UBXN8: variants seen among roughly 807,000 people sequenced by gnomAD.
UBXN8 encodes UBX domain-containing protein 8.
Under a neutral mutation model 32.1 loss-of-function variants are expected in UBXN8, and 27 were observed. The observed-to-expected ratio is 0.84, with a 90% CI of 0.62 to 1.16. The LOEUF is 1.16. UBXN8 is among the 50% of genes most tolerant of loss of function. The pLI is 0.00. For synonymous variants in UBXN8, 109 were observed against 111.8 expected (o/e 0.98, Z 0.16); for missense variants, 306 against 311.4 (o/e 0.98, Z 0.13).
chr8:30,730,963 C>T (rs1804937635), upstream of UBXN8, among the ~76,000 whole-genome samples: 2 of 152,178 alleles, frequency 1.3e-5, no homozygotes, highest in African/African-American at 2.4e-5. Flanking sequence ...TCAGGCCCGG[C>T]GAAATGCCGA....
chr8:30,761,356 T>C (rs899008945), intron 6 of UBXN8, among the ~76,000 whole-genome samples: 2 of 152,134 alleles, frequency 1.3e-5, no homozygotes, highest in Non-Finnish European at 1.5e-5. Context: ...GTGATTCTCC[T>C]GCCTCAGCCT....
intron 1 of UBXN8, among the ~76,000 whole-genome samples, chr8:30,734,967 T>C (rs1489673258): frequency 6.6e-6 from 1 of 152,032 alleles, no homozygotes; most frequent in African/African-American, 2.4e-5. Context: ...TGGACAAACG[T>C]AGGTGATTTC....
intron 1 of UBXN8, among the ~76,000 whole-genome samples, chr8:30,747,307 G>GGTTT (rs567878886): frequency 1.6e-4 from 13 of 81,718 alleles, no homozygotes; most frequent in Non-Finnish European, 1.3e-4. Flanking sequence ...CCTCAGTGGT[G>GGTTT]TTTTTTTTTT....
At position 30,744,229 on chromosome 8, in the gene UBXN8, G is replaced by A. The variant is rs1805296665; in HGVS notation, c.40G>A (p.Ala14Thr). The A allele has an allele frequency of 2.5e-6, 4 of 1,613,890 alleles. No homozygotes were observed. The highest frequency in any genetic ancestry group is 3.4e-6 in the Non-Finnish European group (4 of 1,179,836). The stretch of plus-strand genomic sequence containing the variant: ...GGTTGTTGGCATTTTCTTCCTCTCT[G>A]CTGTCCCCCTTGTGTGTCTGGAGCT... ...RGVVGIFFLS[A>T]VPLVCLELRR... The change falls in exon 1 of 8, where the codon GCT becomes ACT. Residue 14 changes from alanine (A) to threonine (T), a missense_variant. Coordinates refer to ENST00000265616, the MANE Select transcript of UBXN8 (RefSeq NM_005671.4).
At chr8:30,729,173 G>A (rs150974256), upstream of UBXN8, among the ~76,000 whole-genome samples, 561 of 152,322 alleles carry the variant, frequency 3.7e-3, 5 homozygotes, top group African/African-American at 0.013. Context: ...GCATCCCTGC[G>A]GGGAACTCCC....
rs1226425908 is a variant in UBXN8, at chr8:30,751,501, C to T, written c.194C>T (p.Pro65Leu). The T allele has an allele frequency of 2.5e-6, 4 of 1,603,812 alleles. No individual in the cohort carries two copies. Among genetic ancestry groups the T allele is most frequent in the Admixed American group, 1.7e-5 (1 of 58,040 alleles). Residue 65 changes from proline (P) to leucine (L), a missense_variant, in exon 2 of 8, where the codon CCC (proline) becomes CTC (leucine). Coordinates refer to ENST00000265616, the MANE Select transcript of UBXN8 (RefSeq NM_005671.4). ...TCATGGCTTAACTCATTTAAATCTC[C>T]CCAAGTTTATCTGAAGGGTAAGTTT... ...TTSWLNSFKSPQVYLKEEEEK... is the reference protein window; with the variant it reads ...TTSWLNSFKSLQVYLKEEEEK...
At chr8:30,759,907 A>G (rs1252939082) in intron 5 of UBXN8, among the ~76,000 whole-genome samples, 5 of 151,448 alleles carry the variant, frequency 3.3e-5, no homozygotes, top group Non-Finnish European at 7.4e-5. Context: ...CAGTGAGCCA[A>G]GATCGCGCCA....
intron 4 of UBXN8, among the ~76,000 whole-genome samples, chr8:30,755,212 C>G (rs906565194): frequency 3.3e-5 from 5 of 152,140 alleles, no homozygotes; most frequent in African/African-American, 1.2e-4. Context: ...GCCTCACCCT[C>G]CCAAAGTGCT....
intron 6 of UBXN8, chr8:30,763,069 C>G: frequency 1.9e-6 from 1 of 538,078 alleles, no homozygotes; most frequent in South Asian, 2.3e-5. Flanking sequence ...GTGTCTCAAA[C>G]TCCTGGCCTC....
intron 5 of UBXN8, among the ~76,000 whole-genome samples, chr8:30,758,986 C>G (rs1393145899): frequency 2.0e-5 from 3 of 149,452 alleles, no homozygotes; most frequent in Non-Finnish European, 3.0e-5. Context: ...CTCCTCCTCC[C>G]GGCTTCACGC....
At chr8:30,739,358 C>A (rs959470341), upstream of UBXN8, among the ~76,000 whole-genome samples, 12 of 151,046 alleles carry the variant, frequency 7.9e-5, no homozygotes, top group Middle Eastern at 3.4e-3. Context: ...TCCTGGCTAA[C>A]ACGGTGAAAC....
At chr8:30,749,971 T>C (rs1805476438) in intron 1 of UBXN8, among the ~76,000 whole-genome samples, 1 of 152,146 alleles carries the variant, frequency 6.6e-6, no homozygotes, top group South Asian at 2.1e-4. Context: ...CTACAACTTA[T>C]ACATTACTGA....
upstream of UBXN8, among the ~76,000 whole-genome samples, chr8:30,729,167 C>G (rs1488540297): frequency 6.6e-6 from 1 of 152,228 alleles, no homozygotes; most frequent in Non-Finnish European, 1.5e-5. Flanking sequence ...TGTGGAGCAT[C>G]CCTGCGGGGA....
At chr8:30,732,568 G>A (rs1247747607), upstream of UBXN8, 2 of 286,894 alleles carry the variant, frequency 7.0e-6, no homozygotes, top group Non-Finnish European at 1.3e-5. Context: ...AAGGGGGAGG[G>A]GACCGGGAAC....
intron 5 of UBXN8, among the ~76,000 whole-genome samples, chr8:30,760,458 T>TTTTC (rs1805805505): frequency 7.0e-6 from 1 of 143,600 alleles, no homozygotes; most frequent in African/African-American, 2.5e-5. Context: ...TTTTTTTTTT[T>TTTTC]AAAGTGACAG....
upstream of UBXN8, among the ~76,000 whole-genome samples, chr8:30,742,507 G>A (rs1035008805): frequency 1.3e-5 from 2 of 151,990 alleles, no homozygotes; most frequent in African/African-American, 4.8e-5. Context: ...ACGCCATCAC[G>A]CGCAGCTATT....
Position 30,749,594 on chromosome 8 carries a change from T to C in UBXN8, c.89-1802T>C, listed in dbSNP as rs186671661. On this transcript the variant is annotated intron_variant, in intron 1 of 7. Transcript: ENST00000265616. ...ATCATAGAACTAGAATTTGACACGA[T>C]ATTTTCTTTTTTTCTTTTTTTTTTT... Among the ~76,000 whole-genome samples the C allele has an allele frequency of 4.1e-4, 52 of 127,362 alleles. 1 individual carries two copies. The Admixed American group carries it at 4.5e-3, about 11-fold the overall frequency. 83.6% of individuals were successfully genotyped at this position (127,362 alleles called of 152,430 possible).
chr8:30,742,971 T>A (rs1224062091), upstream of UBXN8, among the ~76,000 whole-genome samples: 1 of 152,120 alleles, frequency 6.6e-6, no homozygotes, highest in South Asian at 2.1e-4. Flanking sequence ...TTGTAAATAT[T>A]TGAATATCCA....
At chr8:30,752,123 C>T (rs1322980720) in intron 2 of UBXN8, among the ~76,000 whole-genome samples, 2 of 152,190 alleles carry the variant, frequency 1.3e-5, no homozygotes, top group Non-Finnish European at 2.9e-5. Context: ...ATCTCTTGAC[C>T]TCGTGATCCG....
Sources: allele counts gnomAD v4.1 joint callset (sites outside exome capture counted in the v4.1 genomes callset), GRCh38; gene constraint gnomAD v4.1.1; transcripts MANE v1.5; gene names NCBI Gene and HGNC (gene_info 2026-07-23, HGNC 2026-07-21).